The following UBL3 variants were observed in gnomAD, a reference collection of about 807,000 sequenced individuals.
UBL3 encodes the protein ubiquitin-like protein 3.
UBL3 carries 6 observed loss-of-function variants against 18.4 expected under a neutral mutation model. The ratio of observed to expected loss-of-function variants is 0.33; its 90% confidence interval spans 0.18 to 0.64. The LOEUF (loss-of-function observed/expected upper bound fraction) is 0.64, where lower values mean the gene tolerates loss of function less well. UBL3 is among the 30% of genes least tolerant of loss of function. UBL3 has a pLI of 0.76. For missense variants in UBL3, 109 were observed against 142.9 expected (o/e 0.76, Z 1.21); for synonymous variants, 49 against 46.6 (o/e 1.05, Z -0.21).
At chr13:29,772,970 A>C (rs1026987882) in intron 2 of UBL3, among the ~76,000 whole-genome samples, 3 of 152,150 alleles carry the variant, frequency 2.0e-5, no homozygotes, top group Non-Finnish European at 2.9e-5. Context: ...TAAGGACACT[A>C]GTGTTATGAT....
At chr13:29,768,753 T>G (rs893757493) in intron 3 of UBL3, among the ~76,000 whole-genome samples, 1 of 151,820 alleles carries the variant, frequency 6.6e-6, no homozygotes, top group Admixed American at 6.6e-5. Flanking sequence ...CATAAATACA[T>G]AATGAAAAAA....
rs187369695 is a variant in UBL3 at position 29,811,964 on chromosome 13, T to A, written c.28-34701A>T. 2.6e-5 allele frequency among the ~76,000 whole-genome samples: 4 copies of A among 152,106 alleles called. No individual in the cohort carries two copies. In the East Asian group the frequency reaches 7.7e-4, roughly 29 times the overall value. On this transcript the variant is annotated intron_variant, in intron 1 of 4. Transcript: ENST00000380680. Reference sequence around the variant, plus strand: ...TAAATAAACAAAATTCAAAATTTTATCCCTTACTCCGGCTCCATCTCACTT... The same window carrying A: ...TAAATAAACAAAATTCAAAATTTTAACCCTTACTCCGGCTCCATCTCACTT...
chr13:29,844,605 TC>T (rs1879185266), intron 1 of UBL3, among the ~76,000 whole-genome samples: 1 of 152,120 alleles, frequency 6.6e-6, no homozygotes, highest in Non-Finnish European at 1.5e-5. Context: ...ACACTCAACC[TC>T]CAAGTATTCA....
intron 1 of UBL3, among the ~76,000 whole-genome samples, chr13:29,796,225 T>C (rs1333404422): frequency 6.6e-6 from 1 of 152,046 alleles, no homozygotes; most frequent in Non-Finnish European, 1.5e-5. Flanking sequence ...GAAAATAAAA[T>C]CTAGAAGTTT....
At chr13:29,846,947 T>G (rs139397668) in intron 1 of UBL3, among the ~76,000 whole-genome samples, 2 of 152,350 alleles carry the variant, frequency 1.3e-5, no homozygotes, top group East Asian at 3.9e-4. Context: ...TATATGTCAT[T>G]AGCTTTGCTG....
At chr13:29,833,883 C>G (rs1348182776) in intron 1 of UBL3, among the ~76,000 whole-genome samples, 1 of 152,214 alleles carries the variant, frequency 6.6e-6, no homozygotes, top group East Asian at 1.9e-4. Flanking sequence ...AGGTACTCAA[C>G]AAGTACTTAT....
chr13:29,791,390 A>G (rs1028983112), intron 1 of UBL3, among the ~76,000 whole-genome samples: 5 of 152,218 alleles, frequency 3.3e-5, no homozygotes, highest in Non-Finnish European at 7.3e-5. Flanking sequence ...ATAGGACCCT[A>G]TAAGACAGGT....
chr13:29,794,218 A>G (rs1877551408), intron 1 of UBL3, among the ~76,000 whole-genome samples: 1 of 152,166 alleles, frequency 6.6e-6, no homozygotes, highest in South Asian at 2.1e-4. Context: ...TGAAGGTATT[A>G]TCCTTACTTT....
chr13:29,820,340 C>A (rs1227253659), intron 1 of UBL3, among the ~76,000 whole-genome samples: 1 of 152,048 alleles, frequency 6.6e-6, no homozygotes, highest in Non-Finnish European at 1.5e-5. Context: ...TCATGCCCAG[C>A]TAATTTTTGC....
At chr13:29,767,339 A>G in intron 4 of UBL3, 32 bp from the exon 5 acceptor site, 2 of 1,612,444 alleles carry the variant, frequency 1.2e-6, no homozygotes, top group Non-Finnish European at 1.7e-6. Flanking sequence ...CTCGTTTATA[A>G]AAATTCTAGA....
chr13:29,823,958 T>C (rs1878548700), intron 1 of UBL3, among the ~76,000 whole-genome samples: 2 of 151,052 alleles, frequency 1.3e-5, no homozygotes, highest in African/African-American at 4.9e-5. Context: ...ACATGCGGTG[T>C]TTGGTTTTCT....
intron 1 of UBL3, among the ~76,000 whole-genome samples, chr13:29,785,357 A>G (rs1877285711): frequency 1.2e-5 from 1 of 82,166 alleles, no homozygotes; most frequent in Non-Finnish European, 2.8e-5. Flanking sequence ...GATTTTTTTT[A>G]AGTGCTCAAC....
intron 1 of UBL3, among the ~76,000 whole-genome samples, chr13:29,781,132 A>G (rs1877164640): frequency 2.0e-5 from 3 of 152,108 alleles, no homozygotes; most frequent in Non-Finnish European, 2.9e-5. Flanking sequence ...CCGAGATCAC[A>G]CTACTGCACT....
intron 1 of UBL3, among the ~76,000 whole-genome samples, chr13:29,848,150 T>C (rs750613888): frequency 6.6e-6 from 1 of 152,076 alleles, no homozygotes; most frequent in African/African-American, 2.4e-5. Flanking sequence ...TTTTAAAATT[T>C]AATCATCAGC....
At chr13:29,828,113 T>A (rs1842396609) in intron 1 of UBL3, among the ~76,000 whole-genome samples, 1 of 152,134 alleles carries the variant, frequency 6.6e-6, no homozygotes, top group Non-Finnish European at 1.5e-5. Flanking sequence ...GCCCTTAACA[T>A]TTTTTCCTTC....
At chr13:29,843,683 T>C (rs1401044271) in intron 1 of UBL3, among the ~76,000 whole-genome samples, 2 of 152,254 alleles carry the variant, frequency 1.3e-5, no homozygotes, top group African/African-American at 4.8e-5. Context: ...AATTAAAATG[T>C]TTGGCTTTCC....
Position 29,805,542 on chromosome 13 carries a change from A to G in UBL3, c.28-28279T>C, listed in dbSNP as rs138078153. Among the ~76,000 whole-genome samples the G allele has an allele frequency of 1.4e-3, 216 of 152,304 alleles. 4 individuals carry two copies. The East Asian group carries it at 0.033, about 23-fold the overall frequency. ...CCTTCTCTTTGAGAAACATGACTAT[A>G]TATGCTATCTATCTTTTTAATAAAA... is the stretch of plus-strand genomic sequence containing the variant. On this transcript the variant is annotated intron_variant, in intron 1 of 4. Transcript: ENST00000380680.
chr13:29,777,458 G>T (rs1877030416), intron 1 of UBL3, 195 bp from the exon 2 acceptor site: 1 of 672,252 alleles, frequency 1.5e-6, no homozygotes, highest in Non-Finnish European at 2.7e-6. Context: ...TTATTTAAAG[G>T]GTGTGTGTGT....
chr13:29,794,189 T>A (rs1032348226), intron 1 of UBL3, among the ~76,000 whole-genome samples: 50 of 152,178 alleles, frequency 3.3e-4, no homozygotes, highest in African/African-American at 1.1e-3. Flanking sequence ...GATGTTAATG[T>A]TTGAACACTT....
Sources: gnomAD v4.1 joint callset for allele counts (sites outside exome capture counted in the v4.1 genomes callset) on GRCh38, gnomAD v4.1.1 for gene constraint, MANE v1.5 for transcripts, NCBI Gene and HGNC (gene_info 2026-07-23, HGNC 2026-07-21) for gene names.